IL6R: variants seen among roughly 807,000 people sequenced by gnomAD.
The protein encoded by IL6R is interleukin 6 receptor.
Under a neutral mutation model 48.3 loss-of-function variants are expected in IL6R, and 38 were observed. The ratio of observed to expected loss-of-function variants is 0.79; its 90% CI spans 0.61 to 1.03. IL6R has a LOEUF of 1.03. Ranked by LOEUF, IL6R falls within the 50% of genes least tolerant of loss-of-function variation. The probability of loss-of-function intolerance (pLI) is 0.00; values close to 1 mark genes in which losing one functional copy is unlikely to be tolerated. For missense variants in IL6R, 534 were observed against 618.3 expected (o/e 0.86, Z 1.45); for synonymous variants, 264 against 256.2 (o/e 1.03, Z -0.29).
intron 1 of IL6R, among the ~76,000 whole-genome samples, chr1:154,416,139 A>G (rs915268006): frequency 3.3e-5 from 5 of 150,750 alleles, no homozygotes; most frequent in Non-Finnish European, 5.9e-5. Context: ...TTTCCTTCCT[A>G]TTTTTTTAGA....
intron 3 of IL6R, among the ~76,000 whole-genome samples, chr1:154,431,589 T>C (rs1689299899): frequency 6.6e-6 from 1 of 152,192 alleles, no homozygotes; most frequent in Non-Finnish European, 1.5e-5. Context: ...TCTCTGTTTC[T>C]CAAAATGTCT....
At chr1:154,447,442 A>ATATATATATATATATAT (rs375992381) in intron 6 of IL6R, among the ~76,000 whole-genome samples, 3 of 60,224 alleles carry the variant, frequency 5.0e-5, no homozygotes, top group Admixed American at 2.4e-4. Context: ...CCATCTCAAA[A>ATATATATATATATATAT]AAAAAAAAAA....
intron 3 of IL6R, among the ~76,000 whole-genome samples, chr1:154,432,709 T>C (rs1020306405): frequency 1.3e-5 from 2 of 152,192 alleles, no homozygotes; most frequent in Admixed American, 1.3e-4. Context: ...AGTACAGTGC[T>C]TGTCCTCCCG....
intron 6 of IL6R, among the ~76,000 whole-genome samples, chr1:154,439,831 G>A (rs898405269): frequency 3.3e-5 from 5 of 152,028 alleles, no homozygotes; most frequent in African/African-American, 1.2e-4. Flanking sequence ...TACTTCATTT[G>A]CTTGCTTGCT....
intron 9 of IL6R, 50 bp downstream of exon 9, chr1:154,454,631 C>G: frequency 1.6e-6 from 2 of 1,260,960 alleles, no homozygotes; most frequent in Non-Finnish European, 2.3e-6. Context: ...TATTTCTTAT[C>G]TAGCTTTCCT....
chr1:154,408,452 T>C (rs998078365), intron 1 of IL6R, among the ~76,000 whole-genome samples: 5 of 152,094 alleles, frequency 3.3e-5, no homozygotes, highest in African/African-American at 4.8e-5. Context: ...TGAGAAGGGC[T>C]GAGAAACCCC....
intron 6 of IL6R, among the ~76,000 whole-genome samples, chr1:154,445,731 C>T (rs2149257783): frequency 7.0e-6 from 1 of 142,752 alleles, no homozygotes; most frequent in Admixed American, 7.3e-5. Flanking sequence ...GCCCAGGCGA[C>T]AGAGCGAGAC....
At chr1:154,426,667 T>C (rs138280184) in intron 1 of IL6R, among the ~76,000 whole-genome samples, 257 of 152,314 alleles carry the variant, frequency 1.7e-3, no homozygotes, top group Middle Eastern at 3.4e-3. Flanking sequence ...TGGGCTTTCC[T>C]GGGTATTTTA....
chr1:154,440,148 G>T (rs1463552513), intron 6 of IL6R, among the ~76,000 whole-genome samples: 1 of 152,206 alleles, frequency 6.6e-6, no homozygotes, highest in Non-Finnish European at 1.5e-5. Flanking sequence ...AGTGGAATCA[G>T]AGAGTATTTG....
At chr1:154,409,411 G>C (rs982379561) in intron 1 of IL6R, among the ~76,000 whole-genome samples, 2 of 152,138 alleles carry the variant, frequency 1.3e-5, no homozygotes, top group Non-Finnish European at 1.5e-5. Flanking sequence ...TGATGGCTAA[G>C]GTCTTCAAGC....
intron 1 of IL6R, among the ~76,000 whole-genome samples, chr1:154,426,279 G>A (rs1688963382): frequency 6.6e-6 from 1 of 152,124 alleles, no homozygotes; most frequent in African/African-American, 2.4e-5. Context: ...GGGAGGCCGA[G>A]GCGGGTGGAT....
At chr1:154,415,205 G>A (rs1328371185) in intron 1 of IL6R, 1 of 679,932 alleles carries the variant, frequency 1.5e-6, no homozygotes, top group Non-Finnish European at 2.7e-6. Flanking sequence ...CGGCTGCACT[G>A]TTCACCTCCA....
At chr1:154,454,466 T>G (rs1279241444) in intron 8 of IL6R, 22 bp from the exon 9 acceptor site, 6 of 1,501,864 alleles carry the variant, frequency 4.0e-6, no homozygotes, top group Non-Finnish European at 5.6e-6. Context: ...CTCCTCTATC[T>G]TCAATTTTTT....
intron 6 of IL6R, among the ~76,000 whole-genome samples, chr1:154,442,073 C>T (rs1200730821): frequency 6.6e-6 from 1 of 152,124 alleles, no homozygotes; most frequent in Non-Finnish European, 1.5e-5. Context: ...GAATCACTAT[C>T]CTGGATGCCA....
At chr1:154,414,799 G>A in intron 1 of IL6R, 1 of 757,942 alleles carries the variant, frequency 1.3e-6, no homozygotes, top group Non-Finnish European at 2.4e-6. Context: ...GTGGAACTCA[G>A]CCACCCGCTT....
At chr1:154,451,914 A>G (rs566390823) in intron 8 of IL6R, among the ~76,000 whole-genome samples, 1 of 152,178 alleles carries the variant, frequency 6.6e-6, no homozygotes, top group African/African-American at 2.4e-5. Flanking sequence ...GTTCTTCTCC[A>G]TCTTCCCTAT....
At chr1:154,457,404 G>A (rs1375422248) in intron 9 of IL6R, among the ~76,000 whole-genome samples, 2 of 151,508 alleles carry the variant, frequency 1.3e-5, no homozygotes, top group East Asian at 1.9e-4. Flanking sequence ...AATCCAAGGC[G>A]CCCAAGCAGG....
intron 1 of IL6R, among the ~76,000 whole-genome samples, chr1:154,418,603 C>T (rs1688486545): frequency 6.6e-6 from 1 of 152,154 alleles, no homozygotes; most frequent in Non-Finnish European, 1.5e-5. Flanking sequence ...CCCATTAGAG[C>T]CTGGGAGCCT....
intron 7 of IL6R, 46 bp downstream of exon 7, chr1:154,448,217 G>T: frequency 6.6e-7 from 1 of 1,518,836 alleles, no homozygotes. Context: ...AGCACCTCGT[G>T]TTTAGGAGTG....
Sources: allele counts gnomAD v4.1 joint callset (sites outside exome capture counted in the v4.1 genomes callset), GRCh38; gene constraint gnomAD v4.1.1; transcripts MANE v1.5; gene names NCBI Gene and HGNC (gene_info 2026-07-23, HGNC 2026-07-21).